The following LINGO2 variants were observed in gnomAD, a reference collection of about 807,000 sequenced individuals.
The protein encoded by LINGO2 is leucine rich repeat and Ig domain containing 2, also known as leucine-rich repeat and immunoglobulin-like domain-containing nogo receptor-interacting protein 2.
In LINGO2, 14 loss-of-function variants were observed where a neutral mutation model predicts 30.6. The observed-to-expected ratio is 0.46, with a 90% CI of 0.30 to 0.72. The LOEUF (loss-of-function observed/expected upper bound fraction) is 0.72. LINGO2 is among the 30% of genes least tolerant of loss of function. LINGO2 has a pLI of 0.07. For synonymous variants in LINGO2, 317 were observed against 288.5 expected, an observed-to-expected ratio of 1.10 and a Z score of -1.00; for missense variants, 729 against 751.7, an observed-to-expected ratio of 0.97 and a Z score of 0.35.
At chr9:28,349,299 CT>C (rs1819744710) in intron 3 of LINGO2, among the ~76,000 whole-genome samples, 1 of 146,542 alleles carries the variant, frequency 6.8e-6, no homozygotes, top group African/African-American at 2.5e-5. Context: ...CAGAGAAGTG[CT>C]TAAAGGAGCT....
intron 2 of LINGO2, among the ~76,000 whole-genome samples, chr9:28,430,590 G>T (rs1217686233): frequency 6.6e-6 from 1 of 151,968 alleles, no homozygotes; most frequent in Non-Finnish European, 1.5e-5. Flanking sequence ...AAATAGATAT[G>T]ACTTCTTTTG....
the LINGO2 span, among the ~76,000 whole-genome samples, chr9:28,914,192 A>AT: frequency 6.6e-6 from 1 of 152,214 alleles, no homozygotes; most frequent in Non-Finnish European, 1.5e-5. Context: ...TGATCTAAAT[A>AT]CATTTGTGTA....
chr9:28,359,003 C>G (rs191733259), intron 3 of LINGO2, among the ~76,000 whole-genome samples: 25 of 152,066 alleles, frequency 1.6e-4, no homozygotes, highest in Admixed American at 5.9e-4. Context: ...TTTGAGACAC[C>G]AGAGAGATTG....
the LINGO2 span, among the ~76,000 whole-genome samples, chr9:28,907,815 A>C: frequency 6.6e-6 from 1 of 151,864 alleles, no homozygotes; most frequent in East Asian, 1.9e-4. Context: ...GGGCTAATGG[A>C]AAAGGAACTA....
chr9:28,344,253 C>G (rs1587502187), intron 3 of LINGO2, among the ~76,000 whole-genome samples: 1 of 151,918 alleles, frequency 6.6e-6, no homozygotes, highest in Admixed American at 6.6e-5. Flanking sequence ...GCAGAAAAAT[C>G]AACAGAGAAA....
rs868378366 is a variant in LINGO2 at position 28,554,237 on chromosome 9, C to T, written c.-364-78212G>A. 4.0e-5 allele frequency among the ~76,000 whole-genome samples: 6 copies of T among 151,546 alleles called. 1 individual carries two copies. The highest frequency in any genetic ancestry group is 6.6e-5 in the Admixed American group (1 of 15,212). On this transcript the variant is annotated intron_variant, in intron 1 of 5. Transcript: ENST00000379992. ...TCAAGAGTCAAGACCCATCAGTGTG[C>T]TGTATTCAGGAAACCCATCTCACGT...
intron 1 of LINGO2, among the ~76,000 whole-genome samples, chr9:28,620,618 G>C (rs1379781237): frequency 1.3e-5 from 2 of 152,106 alleles, no homozygotes; most frequent in Admixed American, 1.3e-4. Flanking sequence ...TGGACAGAGA[G>C]AGCCAAGACA....
chr9:28,338,956 C>T (rs533138984), intron 3 of LINGO2, among the ~76,000 whole-genome samples: 17 of 152,142 alleles, frequency 1.1e-4, no homozygotes, highest in East Asian at 5.8e-4. Context: ...AACAAACAAA[C>T]GTTAAAATGA....
At chr9:28,979,311 C>T in the LINGO2 span, among the ~76,000 whole-genome samples, 6 of 151,906 alleles carry the variant, frequency 3.9e-5, no homozygotes, top group South Asian at 2.1e-4. Flanking sequence ...AGATGTCCAC[C>T]CATGGATCTC....
chr9:28,427,521 G>T (rs1202901719), intron 2 of LINGO2, among the ~76,000 whole-genome samples: 2 of 152,268 alleles, frequency 1.3e-5, no homozygotes, highest in East Asian at 1.9e-4. Context: ...AACTGAGGTT[G>T]TTTATAAAGG....
At chr9:27,944,535 A>T (rs921444684), downstream of LINGO2, 3 of 152,144 alleles carry the variant, frequency 2.0e-5, no homozygotes, top group Non-Finnish European at 2.9e-5. Flanking sequence ...AAATCAAACA[A>T]ATAATATTTC....
At chr9:28,640,854 T>A (rs765012100) in intron 1 of LINGO2, among the ~76,000 whole-genome samples, 26 of 152,200 alleles carry the variant, frequency 1.7e-4, no homozygotes, top group Non-Finnish European at 3.5e-4. Flanking sequence ...TCCAGCTTTG[T>A]TCTGTTGCTG....
At chr9:28,608,879 TTTAA>T (rs1397145469) in intron 1 of LINGO2, among the ~76,000 whole-genome samples, 6 of 152,056 alleles carry the variant, frequency 3.9e-5, no homozygotes, top group African/African-American at 1.4e-4. Flanking sequence ...GTTTGTGTTA[TTTAA>T]TTGAGTTCAT....
chr9:28,517,986 A>G (rs931077284), intron 1 of LINGO2, among the ~76,000 whole-genome samples: 1 of 152,190 alleles, frequency 6.6e-6, no homozygotes, highest in Non-Finnish European at 1.5e-5. Context: ...ACGCAAAGCC[A>G]ATTGGATTCC....
intron 4 of LINGO2, among the ~76,000 whole-genome samples, chr9:28,084,025 C>T (rs1461551744): frequency 6.6e-6 from 1 of 151,968 alleles, no homozygotes; most frequent in Non-Finnish European, 1.5e-5. Flanking sequence ...CCTCCTAGAC[C>T]TTCTTGGACC....
At chr9:29,079,181 G>T in the LINGO2 span, among the ~76,000 whole-genome samples, 1 of 151,864 alleles carries the variant, frequency 6.6e-6, no homozygotes. Context: ...CTCTGTGGAT[G>T]AGCTGGAAGA....
intron 4 of LINGO2, among the ~76,000 whole-genome samples, chr9:28,185,621 T>A (rs1009733255): frequency 6.6e-6 from 1 of 152,168 alleles, no homozygotes; most frequent in Non-Finnish European, 1.5e-5. Flanking sequence ...TTTAGAAAAC[T>A]GAAACACAAT....
the LINGO2 span, among the ~76,000 whole-genome samples, chr9:28,850,486 T>C: frequency 2.6e-5 from 4 of 151,914 alleles, no homozygotes; most frequent in Admixed American, 2.0e-4. Context: ...TGCAGTTACA[T>C]TGCACCATGT....
chr9:29,202,119 A>C, the LINGO2 span, among the ~76,000 whole-genome samples: 1 of 152,028 alleles, frequency 6.6e-6, no homozygotes, highest in Admixed American at 6.6e-5. Flanking sequence ...GTAATAAATA[A>C]GATATAATTT....
Sources: allele counts gnomAD v4.1 joint callset (sites outside exome capture counted in the v4.1 genomes callset), GRCh38; gene constraint gnomAD v4.1.1; transcripts MANE v1.5; gene names NCBI Gene and HGNC (gene_info 2026-07-23, HGNC 2026-07-21).